The following AATF variants were observed in gnomAD, a reference collection of about 807,000 sequenced individuals.
The protein encoded by AATF is apoptosis antagonizing transcription factor, also known as protein AATF.
Under a neutral mutation model 63.7 loss-of-function variants are expected in AATF, and 48 were observed. The ratio of observed to expected loss-of-function variants is 0.75; its 90% CI spans 0.60 to 0.96. The LOEUF (loss-of-function observed/expected upper bound fraction) is 0.96. Ranked by LOEUF, AATF falls within the 40% of genes least tolerant of loss-of-function variation. AATF has a pLI of 0.00. For synonymous variants in AATF, 258 were observed against 247.7 expected (o/e 1.04, Z -0.39); for missense variants, 639 against 685.7 (o/e 0.93, Z 0.76).
At chr17:36,960,833 ATTGATC>A (rs1304459270) in intron 4 of AATF, among the ~76,000 whole-genome samples, 1 of 152,198 alleles carries the variant, frequency 6.6e-6, no homozygotes, top group Non-Finnish European at 1.5e-5. Flanking sequence ...TGTGAGTAAG[ATTGATC>A]TTTTTGCTTC....
At chr17:36,953,739 G>A (rs989867145) in intron 3 of AATF, 31 bp from the exon 4 acceptor site, 1 of 1,599,412 alleles carries the variant, frequency 6.3e-7, no homozygotes. Context: ...TTTTATTATT[G>A]AGGAATGGGA....
rs558040434 is a variant in AATF at position 37,035,928 on chromosome 17, A to T, written c.1619+4243A>T. On this transcript the variant is annotated intron_variant, in intron 11 of 11. Coordinates refer to ENST00000619387, the MANE Select transcript of AATF (RefSeq NM_012138.4). ...AGTAAAATCATTCAATGAATTTATT[A>T]TTTTTTTTTTCTTGAGACAGGGTCT... 2.9e-3 allele frequency among the ~76,000 whole-genome samples: 437 copies of T among 150,118 alleles called. 2 individuals carry two copies. Among genetic ancestry groups the T allele is most frequent in the African/African-American group, 9.0e-3 (368 of 40,952 alleles).
At position 36,953,126 on chromosome 17, in the gene AATF, A is replaced by G. The variant is rs1018671030; in HGVS notation, c.524A>G (p.Asp175Gly). 8 of 1,614,174 alleles carry G rather than the reference A, an allele frequency of 5.0e-6. No individual in the cohort carries two copies. The Admixed American group carries it at 1.0e-4, about 20-fold the overall frequency. Residue 175 changes from aspartate to glycine, a missense_variant, in exon 3 of 12, where the codon GAC becomes GGC. By Grantham distance (94) the Asp-to-Gly change is moderately conservative (BLOSUM62 -1). Transcript: ENST00000619387. ...CTTGGGAGCAGTGAGGAGGAGGAAG[A>G]CGAAGAGAGTGGCATGGAAGAAGGG... ...DDLGSSEEEE[D>G]EESGMEEGDD...
At chr17:36,956,172 A>AATTAATCTGACAGCATCT (rs1464322723) in intron 4 of AATF, among the ~76,000 whole-genome samples, 1 of 152,110 alleles carries the variant, frequency 6.6e-6, no homozygotes, top group South Asian at 2.1e-4. Context: ...GATGAACCTC[A>AATTAATCTGACAGCATCT]ATTAATCTGA....
chr17:36,977,476 T>G (rs74903407), intron 4 of AATF, among the ~76,000 whole-genome samples: 3 of 147,080 alleles, frequency 2.0e-5, no homozygotes, highest in South Asian at 2.1e-4. Context: ...GCAGAGGCTG[T>G]TTTTTTTTTT....
At chr17:36,954,431 T>C (rs1287937831) in intron 4 of AATF, among the ~76,000 whole-genome samples, 4 of 152,162 alleles carry the variant, frequency 2.6e-5, no homozygotes, top group Non-Finnish European at 4.4e-5. Flanking sequence ...AACCCACTGA[T>C]GTAGAAAGGG....
intron 2 of AATF, among the ~76,000 whole-genome samples, chr17:36,952,217 C>T (rs2070860890): frequency 6.6e-6 from 1 of 152,242 alleles, no homozygotes; most frequent in Non-Finnish European, 1.5e-5. Flanking sequence ...TCCTTCTCCA[C>T]ATGATACCAT....
At chr17:37,018,685 A>G (rs1001301371) in intron 8 of AATF, among the ~76,000 whole-genome samples, 1 of 152,196 alleles carries the variant, frequency 6.6e-6, no homozygotes, top group Non-Finnish European at 1.5e-5. Context: ...CTCCATTGAT[A>G]TCAATGGAGT....
At chr17:36,979,446 T>C (rs2071104097) in intron 4 of AATF, among the ~76,000 whole-genome samples, 1 of 152,158 alleles carries the variant, frequency 6.6e-6, no homozygotes, top group Admixed American at 6.5e-5. Context: ...TTGTGTGGAT[T>C]TGAATGAAAA....
intron 11 of AATF, among the ~76,000 whole-genome samples, chr17:37,048,215 T>C (rs2071711130): frequency 6.6e-6 from 1 of 152,100 alleles, no homozygotes; most frequent in Non-Finnish European, 1.5e-5. Context: ...TACCGACTTT[T>C]TGGCCGTATT....
intron 4 of AATF, among the ~76,000 whole-genome samples, chr17:36,965,183 C>A (rs2070981707): frequency 6.6e-6 from 1 of 152,206 alleles, no homozygotes; most frequent in Non-Finnish European, 1.5e-5. Context: ...TAACAGCACA[C>A]ATTGATTATC....
At chr17:37,018,904 T>C in intron 8 of AATF, 101 bp from the exon 9 acceptor site, 1 of 923,490 alleles carries the variant, frequency 1.1e-6, no homozygotes, top group East Asian at 2.4e-5. Flanking sequence ...ATTGTAGTTT[T>C]AGAGCTGTCA....
intron 4 of AATF, among the ~76,000 whole-genome samples, chr17:36,971,677 A>T (rs1392759466): frequency 1.3e-5 from 2 of 152,242 alleles, no homozygotes; most frequent in African/African-American, 4.8e-5. Context: ...GAAACAGCCC[A>T]AATGTCCAAA....
Position 36,949,201 on chromosome 17 carries a change from G to C in AATF, c.76G>C (p.Ala26Pro). Residue 26 changes from alanine to proline, a missense_variant, in exon 1 of 12, where the codon GCG becomes CCG. Transcript: ENST00000619387. ...NPRPSEADPE[A>P]DPEEATAARV... ...GCGACCAAGCGAGGCGGACCCTGAA[G>C]CGGACCCCGAGGAAGGTGAGGCCGG... The C allele has an allele frequency of 1.9e-6, 3 of 1,592,680 alleles. No homozygotes were observed. Among genetic ancestry groups the C allele is most frequent in the Non-Finnish European group, 2.6e-6 (3 of 1,171,300 alleles).
At chr17:37,004,455 A>G (rs2071326502) in intron 8 of AATF, among the ~76,000 whole-genome samples, 1 of 152,124 alleles carries the variant, frequency 6.6e-6, no homozygotes, top group South Asian at 2.1e-4. Flanking sequence ...GAGTTTTAAG[A>G]TAGGAGATGT....
At chr17:37,050,789 C>T (rs2071741631) in intron 11 of AATF, among the ~76,000 whole-genome samples, 1 of 152,082 alleles carries the variant, frequency 6.6e-6, no homozygotes, top group South Asian at 2.1e-4. Context: ...CTTTTGTGTG[C>T]AGTGTGGGAG....
chr17:37,022,722 A>G lies in AATF; in HGVS notation c.1547+1708A>G, dbSNP rs1597729398. On this transcript the variant is annotated intron_variant, in intron 10 of 11. Transcript: ENST00000619387. The stretch of plus-strand genomic sequence containing the variant: ...TGTAAAATGGATATGATAATATATC[A>G]GCCTTGAATGGTTGCTGTGACGATT... 3.3e-5 allele frequency among the ~76,000 whole-genome samples: 5 copies of G among 152,208 alleles called. No homozygotes were observed. The South Asian group carries it at 8.3e-4, about 25-fold the overall frequency.
chr17:37,046,730 A>AACACACACACACAC (rs58296683), intron 11 of AATF, among the ~76,000 whole-genome samples: 56 of 140,056 alleles, frequency 4.0e-4, no homozygotes, highest in African/African-American at 1.2e-3. Flanking sequence ...GTGCTCCCCC[A>AACACACACACACAC]ACACACACAC....
intron 8 of AATF, among the ~76,000 whole-genome samples, chr17:37,000,653 CATGAGATTGA>C (rs2071287222): frequency 6.6e-6 from 1 of 151,968 alleles, no homozygotes; most frequent in African/African-American, 2.4e-5. Context: ...TATTTAATAC[CATGAGATTGA>C]ATGAGATTAC....
Sources: gnomAD v4.1 joint callset for allele counts (sites outside exome capture counted in the v4.1 genomes callset) on GRCh38, gnomAD v4.1.1 for gene constraint, MANE v1.5 for transcripts, NCBI Gene and HGNC (gene_info 2026-07-23, HGNC 2026-07-21) for gene names.